Variants in NARS2 observed in about 807,000 individuals in gnomAD.
NARS2 encodes the protein asparaginyl-tRNA synthetase 2, mitochondrial.
NARS2 carries 60 observed loss-of-function variants against 62.9 expected under a neutral mutation model. That is an observed-to-expected ratio of 0.95 (90% CI 0.77 to 1.18). The LOEUF (loss-of-function observed/expected upper bound fraction) is 1.18. NARS2 is among the 50% of genes most tolerant of loss of function. The pLI is 0.00. For synonymous variants in NARS2, 196 were observed against 200.0 expected (o/e 0.98, Z 0.17); for missense variants, 619 against 576.4 (o/e 1.07, Z -0.76).
At chr11:78,459,945 G>T (rs1466993995) in intron 11 of NARS2, among the ~76,000 whole-genome samples, 5 of 152,156 alleles carry the variant, frequency 3.3e-5, no homozygotes, top group African/African-American at 1.2e-4. Flanking sequence ...CAGACTAGAG[G>T]GTCAAGAAAG....
intron 1 of NARS2, among the ~76,000 whole-genome samples, chr11:78,572,282 T>C (rs569135075): frequency 6.6e-6 from 1 of 152,370 alleles, no homozygotes; most frequent in South Asian, 2.1e-4. Flanking sequence ...TGTGCTTCTA[T>C]TCTAACCTCT....
At chr11:78,438,921 A>T (rs1857493398) in intron 13 of NARS2, among the ~76,000 whole-genome samples, 3 of 152,158 alleles carry the variant, frequency 2.0e-5, no homozygotes, top group African/African-American at 7.2e-5. Flanking sequence ...GGATCTGAAA[A>T]CTTTAGTTGG....
intron 11 of NARS2, among the ~76,000 whole-genome samples, chr11:78,461,448 C>A (rs1858390580): frequency 1.3e-5 from 2 of 151,738 alleles, no homozygotes; most frequent in African/African-American, 2.4e-5. Flanking sequence ...CTGATTAGCA[C>A]TGACCGGCCA....
intron 5 of NARS2, among the ~76,000 whole-genome samples, chr11:78,556,961 C>T (rs930363495): frequency 6.6e-6 from 1 of 152,216 alleles, no homozygotes; most frequent in African/African-American, 2.4e-5. Flanking sequence ...AGGATAGAAC[C>T]TCAACTACAT....
At chr11:78,511,088 G>GT (rs746626313) in intron 6 of NARS2, among the ~76,000 whole-genome samples, 8 of 151,484 alleles carry the variant, frequency 5.3e-5, no homozygotes, top group Non-Finnish European at 7.4e-5. Flanking sequence ...GTTGTTTTTT[G>GT]TTTTTTTCAG....
intron 11 of NARS2, 56 bp from the exon 12 acceptor site, chr11:78,443,814 G>T: frequency 1.5e-6 from 2 of 1,308,958 alleles, no homozygotes; most frequent in Non-Finnish European, 2.2e-6. Context: ...CCAACAGTCA[G>T]TTTCTGAAGC....
intron 1 of NARS2, among the ~76,000 whole-genome samples, chr11:78,571,919 G>A (rs1303087494): frequency 6.6e-6 from 1 of 152,144 alleles, no homozygotes; most frequent in Non-Finnish European, 1.5e-5. Context: ...TCCAGGTTGG[G>A]CACAGAAATC....
intron 5 of NARS2, among the ~76,000 whole-genome samples, chr11:78,540,285 A>T (rs1431571568): frequency 6.6e-6 from 1 of 152,222 alleles, no homozygotes; most frequent in Non-Finnish European, 1.5e-5. Context: ...AGAAAATATT[A>T]AACAAGTATT....
chr11:78,561,838 T>C (rs1856566267), intron 4 of NARS2, among the ~76,000 whole-genome samples: 2 of 152,144 alleles, frequency 1.3e-5, no homozygotes, highest in African/African-American at 4.8e-5. Flanking sequence ...GGCGGGTGAA[T>C]CACCTGAGGT....
intron 6 of NARS2, among the ~76,000 whole-genome samples, chr11:78,502,229 T>C (rs575482045): frequency 8.5e-5 from 13 of 152,328 alleles, no homozygotes; most frequent in Admixed American, 7.2e-4. Context: ...ACAGACTGGG[T>C]GCCTTAAACA....
chr11:78,478,317 C>CTA (rs1011408056), intron 9 of NARS2, 121 bp downstream of exon 9: 11 of 323,634 alleles, frequency 3.4e-5, no homozygotes, highest in East Asian at 1.4e-4. Flanking sequence ...TATAATATGT[C>CTA]TATATATATA....
At position 78,502,991 on chromosome 11, in the gene NARS2, C is replaced by CAAAAAAAAAAAA. The variant is rs550751384; in HGVS notation, c.690-9808_690-9797dup. Among the ~76,000 whole-genome samples, 461 of 82,872 alleles carry CAAAAAAAAAAAA rather than the reference C, an allele frequency of 5.6e-3. 35 individuals carry two copies. The highest frequency in any genetic ancestry group is 0.028 in the African/African-American group (441 of 15,732). The allele number at this position is 82,872 out of a possible 152,430, so 54.4% of individuals were successfully genotyped here. On this transcript the variant is annotated intron_variant, in intron 6 of 13. Transcript: ENST00000281038. Reference sequence around the variant, plus strand: ...CCTGGGTAACAGAGTGAGACTGTCTCAAAAAAAAAAAAAAAAAAAGGTTGA... The same window carrying CAAAAAAAAAAAA: ...CCTGGGTAACAGAGTGAGACTGTCTCAAAAAAAAAAAAAAAAAAAAAAAAAAAAAAAGGTTGA...
At chr11:78,453,254 C>T (rs1858036526) in intron 11 of NARS2, among the ~76,000 whole-genome samples, 1 of 152,106 alleles carries the variant, frequency 6.6e-6, no homozygotes, top group Non-Finnish European at 1.5e-5. Flanking sequence ...ATCTTGTAGG[C>T]CCAGAATGCT....
intron 6 of NARS2, among the ~76,000 whole-genome samples, chr11:78,511,782 T>C (rs1239404521): frequency 1.3e-5 from 2 of 152,198 alleles, no homozygotes; most frequent in Admixed American, 6.5e-5. Flanking sequence ...CGATGTATTT[T>C]AAATGGGTTC....
At chr11:78,509,094 G>A (rs894804555) in intron 6 of NARS2, among the ~76,000 whole-genome samples, 4 of 146,276 alleles carry the variant, frequency 2.7e-5, no homozygotes, top group Non-Finnish European at 4.5e-5. Context: ...AACAGAGTGA[G>A]ACTCTGTCTT....
At chr11:78,442,218 G>A (rs562497087) in intron 12 of NARS2, among the ~76,000 whole-genome samples, 2 of 152,280 alleles carry the variant, frequency 1.3e-5, no homozygotes, top group South Asian at 4.1e-4. Context: ...GATTTTTATT[G>A]TGCTTTTTAA....
At chr11:78,455,968 C>T (rs1008244551) in intron 11 of NARS2, among the ~76,000 whole-genome samples, 3 of 152,088 alleles carry the variant, frequency 2.0e-5, no homozygotes, top group East Asian at 1.9e-4. Flanking sequence ...CAATTTGGAA[C>T]GTCAAAAATT....
At position 78,547,296 on chromosome 11, in the gene NARS2, A is replaced by G. The variant is rs2135480238; in HGVS notation, c.594+12243T>C. On this transcript the variant is annotated intron_variant, in intron 5 of 13. Coordinates refer to ENST00000281038, the MANE Select transcript of NARS2 (RefSeq NM_024678.6). ...AAAAAAAAGAACTCAGAAACTGTTC[A>G]TTTCTTGAGAACCAGCTCATTTTAA... 2.0e-5 allele frequency among the ~76,000 whole-genome samples: 3 copies of G among 152,326 alleles called. No homozygotes were observed. In the East Asian group the frequency reaches 5.8e-4, roughly 29 times the overall value.
At chr11:78,553,619 CTCT>C (rs1856214204) in intron 5 of NARS2, among the ~76,000 whole-genome samples, 1 of 152,054 alleles carries the variant, frequency 6.6e-6, no homozygotes, top group Non-Finnish European at 1.5e-5. Flanking sequence ...GGTTGTTTTT[CTCT>C]TCTAAGTAAG....
Sources: allele counts gnomAD v4.1 joint callset (sites outside exome capture counted in the v4.1 genomes callset), GRCh38; gene constraint gnomAD v4.1.1; transcripts MANE v1.5; gene names NCBI Gene and HGNC (gene_info 2026-07-23, HGNC 2026-07-21).